Variants in NANP observed in about 807,000 individuals in gnomAD.
NANP encodes N-acetylneuraminic acid phosphatase.
NANP carries 15 observed loss-of-function variants against 16.9 expected under a neutral mutation model. That is an observed-to-expected ratio of 0.89 (90% CI 0.59 to 1.37). The LOEUF is 1.37. Ranked by LOEUF, NANP falls within the 40% of genes most tolerant of loss-of-function variation. NANP has a pLI of 0.00. For synonymous variants in NANP, 135 were observed against 112.6 expected (o/e 1.20, Z -1.26); for missense variants, 290 against 303.5 (o/e 0.96, Z 0.33).
In NANP at chr20:25,616,204, T is replaced by C. The variant is rs1401119062; in HGVS notation, c.468A>G (p.Val156=). ...ACQSYFDAVV[V]GGEQREEKPA... is the part of the protein sequence containing the mutation. ...GTTTCTCCTCTCTCTGCTCTCCACC[T>C]ACAACAACAGCGTCAAAATAGGACT... The change falls in exon 2 of 2, where the codon GTA becomes GTG. Residue 156 remains valine (V), a synonymous_variant. Coordinates refer to ENST00000304788, the MANE Select transcript of NANP (RefSeq NM_152667.3). 9 of 1,614,058 alleles carry C rather than the reference T, an allele frequency of 5.6e-6. No homozygotes were observed. The East Asian group carries it at 1.6e-4, about 28-fold the overall frequency.
In NANP at chr20:25,612,974, T is replaced by C. The variant is rs998123551; in HGVS notation, c.*2951A>G. ...CCTTTTATTTTTTTGACTTGTGTAC[T>C]ACAAGTAGTACTTGTTCAACAATGA... On this transcript the variant is annotated 3_prime_UTR_variant, in exon 2 of 2. Coordinates refer to ENST00000304788, the MANE Select transcript of NANP (RefSeq NM_152667.3). 1 of 152,210 alleles carries C rather than the reference T, an allele frequency of 6.6e-6. No homozygotes were observed. The highest frequency in any genetic ancestry group is 6.5e-5 in the Admixed American group (1 of 15,284). 9.4% of individuals were successfully genotyped at this position (152,210 alleles called of 1,614,324 possible). A position where few individuals can be genotyped will look rare whatever the true frequency, so the allele number is the denominator to read the frequency against.
In NANP at chr20:25,615,823, T is replaced by G. The variant is rs1297332598; in HGVS notation, c.*102A>C. ...TTGGCCATTAAATCATAAGTAAAAT[T>G]ATTCTTAGAGCTGGATTATCATAAG... On this transcript the variant is annotated 3_prime_UTR_variant, in exon 2 of 2. Transcript: ENST00000304788. The G allele has an allele frequency of 8.4e-7, 1 of 1,185,878 alleles. No homozygotes were observed. The highest frequency in any genetic ancestry group is 1.5e-5 in the African/African-American group (1 of 64,938). 73.5% of individuals were successfully genotyped at this position (1,185,878 alleles called of 1,614,324 possible).
intron 1 of NANP, among the ~76,000 whole-genome samples, 166 bp from the exon 2 acceptor site, chr20:25,616,747 A>G (rs2065345533): frequency 6.6e-6 from 1 of 152,278 alleles, no homozygotes; most frequent in African/African-American, 2.4e-5. Flanking sequence ...ATTTTTAGAG[A>G]CAACAAAGTG....
In NANP at chr20:25,616,641, G is replaced by A. The variant is rs2065345282; in HGVS notation, c.91-60C>T. The stretch of plus-strand genomic sequence containing the variant: ...CATGTCTTTAGTAGTCATGCCCTAG[G>A]AAGCTGTGATCCTACAAGTGGCTGA... On this transcript the variant is annotated intron_variant, in intron 1 of 1. Coordinates refer to ENST00000304788, the MANE Select transcript of NANP (RefSeq NM_152667.3). The A allele has an allele frequency of 2.9e-6, 4 of 1,357,426 alleles. No homozygotes were observed. In the South Asian group the frequency reaches 5.8e-5, roughly 20 times the overall value. 84.1% of individuals were successfully genotyped at this position (1,357,426 alleles called of 1,614,324 possible). A position where few individuals can be genotyped will look rare whatever the true frequency, so the allele number is the denominator to read the frequency against.
chr20:25,617,809 G>A (rs1568988353), intron 1 of NANP, among the ~76,000 whole-genome samples: 1 of 152,100 alleles, frequency 6.6e-6, no homozygotes, highest in African/African-American at 2.4e-5. Context: ...GAGCCACTGC[G>A]CCCGGCCCCA....
At chr20:25,622,514 G>T (rs1204035350) in intron 1 of NANP, among the ~76,000 whole-genome samples, 2 of 152,182 alleles carry the variant, frequency 1.3e-5, no homozygotes, top group Non-Finnish European at 2.9e-5. Context: ...TGGGCCTACA[G>T]CAAGAATTGG....
chr20:25,621,358 C>G (rs1325811268), intron 1 of NANP, among the ~76,000 whole-genome samples: 2 of 152,182 alleles, frequency 1.3e-5, no homozygotes, highest in African/African-American at 4.8e-5. Context: ...GCTTTGTTCA[C>G]TGAGAAACTC....
rs2065332541 is a variant in NANP, at chr20:25,614,128, G to A, written c.*1797C>T. ...GCACAATCACATTTTTAAAAATCTA[G>A]AGCGAAAAGTAAACACGAAAGGGCA... On this transcript the variant is annotated 3_prime_UTR_variant, in exon 2 of 2. Coordinates refer to ENST00000304788, the MANE Select transcript of NANP (RefSeq NM_152667.3). The A allele has an allele frequency of 3.2e-6, 1 of 316,946 alleles. No homozygotes were observed. Among genetic ancestry groups the A allele is most frequent in the African/African-American group, 2.1e-5 (1 of 47,034 alleles). 19.6% of individuals were successfully genotyped at this position (316,946 alleles called of 1,614,324 possible). A position where few individuals can be genotyped will look rare whatever the true frequency, so the allele number is the denominator to read the frequency against.
At position 25,613,356 on chromosome 20, in the gene NANP, G is replaced by A. The variant is rs552197895; in HGVS notation, c.*2569C>T. 2 of 152,808 alleles carry A rather than the reference G, an allele frequency of 1.3e-5. No individual in the cohort carries two copies. Among genetic ancestry groups the A allele is most frequent in the South Asian group, 4.1e-4 (2 of 4,836 alleles). The allele number at this position is 152,808 out of a possible 1,614,324, so 9.5% of individuals were successfully genotyped here. ...CCCAGATCTGAGATGTTCGTGCCTT[G>A]TATGTGGAGGTGCACATGGAACCAA... On this transcript the variant is annotated 3_prime_UTR_variant, in exon 2 of 2. Coordinates refer to ENST00000304788, the MANE Select transcript of NANP (RefSeq NM_152667.3).
In NANP at chr20:25,623,936, G is replaced by C. The variant is rs149825992; in HGVS notation, c.13C>G (p.Arg5Gly). The C allele has an allele frequency of 2.4e-5, 38 of 1,613,024 alleles. No individual in the cohort carries two copies. Among genetic ancestry groups the C allele is most frequent in the Non-Finnish European group, 2.8e-5 (33 of 1,179,782 alleles). The change falls in exon 1 of 2, where the codon CGC (arginine) becomes GGC (glycine). Residue 5 changes from arginine to glycine, a missense_variant. Physicochemically the swap from Arg to Gly is moderately radical, Grantham distance 125 (BLOSUM62 -2). Transcript: ENST00000304788. The part of the protein sequence containing the change: MGLS[R>G]VRAVFFDLDN... The stretch of plus-strand genomic sequence containing the variant: ...AAGTCAAAGAAAACCGCCCGCACGC[G>C]GCTCAGCCCCATAGCGCCGGCCGCT...
intron 1 of NANP, among the ~76,000 whole-genome samples, chr20:25,620,898 A>G (rs142149796): frequency 5.7e-4 from 87 of 152,052 alleles, no homozygotes; most frequent in African/African-American, 1.9e-3. Context: ...AAAATGCTAT[A>G]TAAACTGCAT....
intron 1 of NANP, among the ~76,000 whole-genome samples, chr20:25,620,758 G>A (rs2065361348): frequency 6.6e-6 from 1 of 152,062 alleles, no homozygotes; most frequent in African/African-American, 2.4e-5. Flanking sequence ...TATTTATGAG[G>A]AGGATCTGAA....
At position 25,616,212 on chromosome 20, in the gene NANP, C is replaced by G. The variant is rs778738859; in HGVS notation, c.460G>C (p.Val154Leu). Residue 154 changes from valine (V) to leucine (L), a missense_variant, in exon 2 of 2, where the codon GTT becomes CTT. Physicochemically the swap from Val to Leu is conservative, Grantham distance 32 (BLOSUM62 1). Coordinates refer to ENST00000304788, the MANE Select transcript of NANP (RefSeq NM_152667.3). The part of the protein sequence containing the change: ...ACACQSYFDA[V>L]VVGGEQREEK... ...TCTCTCTGCTCTCCACCTACAACAA[C>G]AGCGTCAAAATAGGACTGACAGGCA... The G allele has an allele frequency of 1.2e-6, 2 of 1,614,186 alleles. No homozygotes were observed. Among genetic ancestry groups the G allele is most frequent in the Non-Finnish European group, 1.7e-6 (2 of 1,180,040 alleles).
Position 25,623,952 on chromosome 20 carries a change from G to C in NANP, c.-4C>G, listed in dbSNP as rs752356313. The C allele has an allele frequency of 2.5e-6, 4 of 1,611,744 alleles. No homozygotes were observed. The highest frequency in any genetic ancestry group is 2.7e-5 in the African/African-American group (2 of 74,968). On this transcript the variant is annotated 5_prime_UTR_variant, in exon 1 of 2. Transcript: ENST00000304788. ...CCCGCACGCGGCTCAGCCCCATAGC[G>C]CCGGCCGCTGGCGCGAACCGTAGCC...
At chr20:25,623,296 C>A (rs572012078) in intron 1 of NANP, among the ~76,000 whole-genome samples, 2 of 152,352 alleles carry the variant, frequency 1.3e-5, no homozygotes, top group South Asian at 2.1e-4. Context: ...CAGAAAGCCA[C>A]GGTGACCACC....
chr20:25,619,230 C>T (rs1464998688), intron 1 of NANP, among the ~76,000 whole-genome samples: 2 of 150,790 alleles, frequency 1.3e-5, no homozygotes, highest in Non-Finnish European at 2.9e-5. Flanking sequence ...CTCCTGGGCT[C>T]ATCTCACTTC....
At chr20:25,623,337 C>A (rs2065374582) in intron 1 of NANP, among the ~76,000 whole-genome samples, 1 of 152,242 alleles carries the variant, frequency 6.6e-6, no homozygotes, top group African/African-American at 2.4e-5. Context: ...AGAAGTTCTG[C>A]GGCGACAATT....
chr20:25,622,630 G>A (rs1435302073), intron 1 of NANP, among the ~76,000 whole-genome samples: 1 of 152,234 alleles, frequency 6.6e-6, no homozygotes, highest in Admixed American at 6.5e-5. Flanking sequence ...ATATGGCACA[G>A]GGTGGCACCC....
At position 25,614,082 on chromosome 20, in the gene NANP, A is replaced by G; in HGVS notation, c.*1843T>C. The G allele has an allele frequency of 2.7e-6, 1 of 375,544 alleles. No homozygotes were observed. The allele number at this position is 375,544 out of a possible 1,614,324, so 23.3% of individuals were successfully genotyped here. A position where few individuals can be genotyped will look rare whatever the true frequency, so the allele number is the denominator to read the frequency against. On this transcript the variant is annotated 3_prime_UTR_variant, in exon 2 of 2. Coordinates refer to ENST00000304788, the MANE Select transcript of NANP (RefSeq NM_152667.3). ...CACAAATGTTCACTGTTATAGCAAC[A>G]GCACTTTGGTACAGTCAAGGGCACA...
Sources: allele counts gnomAD v4.1 joint callset (sites outside exome capture counted in the v4.1 genomes callset), GRCh38; gene constraint gnomAD v4.1.1; transcripts MANE v1.5; gene names NCBI Gene and HGNC (gene_info 2026-07-23, HGNC 2026-07-21).